DRD3: variants seen among roughly 807,000 people sequenced by gnomAD.
DRD3 encodes D(3) dopamine receptor.
A neutral mutation model predicts 36.3 loss-of-function variants in DRD3; 19 were observed. That is an observed-to-expected ratio of 0.52 (90% CI 0.36 to 0.77). DRD3 has a LOEUF of 0.77. Among genes scored for constraint, DRD3 ranks in the 30% least tolerant of loss-of-function variants. DRD3 has a pLI of 0.00. For missense variants in DRD3, 465 were observed against 505.3 expected (o/e 0.92, Z 0.77); for synonymous variants, 195 against 203.7 (o/e 0.96, Z 0.36).
At chr3:114,161,700 A>G (rs1234033841) in intron 2 of DRD3, among the ~76,000 whole-genome samples, 1 of 152,244 alleles carries the variant, frequency 6.6e-6, no homozygotes, top group African/African-American at 2.4e-5. Context: ...GAGAATAAAA[A>G]GCTTTTAAAA....
Position 114,131,100 on chromosome 3 carries a change from A to T in DRD3, c.1006+18T>A, listed in dbSNP as rs200871535. Reference sequence around the variant, plus strand: ...AACCTAACCCAACCCAACACAGCTCAAGCCAACCCAAACTTACCAAGCACA... The same window carrying T: ...AACCTAACCCAACCCAACACAGCTCTAGCCAACCCAAACTTACCAAGCACA... On this transcript the variant is annotated intron_variant, in intron 6 of 6. Transcript: ENST00000383673. 17 of 1,609,532 alleles carry T rather than the reference A, an allele frequency of 1.1e-5. No homozygotes were observed. In the South Asian group the frequency reaches 1.9e-4, roughly 18 times the overall value.
intron 2 of DRD3, among the ~76,000 whole-genome samples, chr3:114,170,597 C>T (rs551385668): frequency 3.3e-5 from 5 of 152,126 alleles, no homozygotes; most frequent in Non-Finnish European, 7.4e-5. Flanking sequence ...TCTCTGTTTT[C>T]TTTTTTTCTC....
rs535152673 is a variant in DRD3, at chr3:114,128,839, C to T, written c.1080G>A (p.Val360=). ...TCGTGGCACTGTAAAGCTCTGGGGA[C>T]ACGTGGCATGTCTGGCAGTGGGTAT... ...VLNTHCQTCH[V]SPELYSATTW... The change falls in exon 7 of 7, where the codon GTG becomes GTA. Residue 360 remains valine (V), a synonymous_variant. Coordinates refer to ENST00000383673, the MANE Select transcript of DRD3 (RefSeq NM_000796.6). 8.1e-5 allele frequency: 131 copies of T among 1,613,712 alleles called. 1 individual carries two copies. The South Asian group carries it at 1.4e-3, about 17-fold the overall frequency.
chr3:114,197,795 T>C (rs890286523), intron 1 of DRD3, among the ~76,000 whole-genome samples: 1 of 152,188 alleles, frequency 6.6e-6, no homozygotes, highest in African/African-American at 2.4e-5. Flanking sequence ...GTTCTATTAA[T>C]ATATTTGTCT....
At chr3:114,197,152 G>T (rs1485752272) in intron 1 of DRD3, among the ~76,000 whole-genome samples, 1 of 146,748 alleles carries the variant, frequency 6.8e-6, no homozygotes, top group Non-Finnish European at 1.5e-5. Flanking sequence ...TTGCTCTGTT[G>T]TCCAGGTGGA....
chr3:114,149,298 C>T (rs1396112156), intron 3 of DRD3, among the ~76,000 whole-genome samples: 1 of 152,194 alleles, frequency 6.6e-6, no homozygotes, highest in African/African-American at 2.4e-5. Flanking sequence ...GGGAGCCAGC[C>T]ATGAGGTCAG....
upstream of DRD3, among the ~76,000 whole-genome samples, chr3:114,183,691 C>A (rs1368766634): frequency 6.6e-6 from 1 of 151,742 alleles, no homozygotes; most frequent in Non-Finnish European, 1.5e-5. Context: ...TTTTTTATTT[C>A]ATAATTTTTT....
chr3:114,189,743 C>A (rs891326630), intron 1 of DRD3, among the ~76,000 whole-genome samples: 4 of 152,322 alleles, frequency 2.6e-5, no homozygotes, highest in African/African-American at 9.6e-5. Context: ...TCATACCTTT[C>A]TAGTACCTGT....
At chr3:114,165,896 G>A (rs1292426546) in intron 2 of DRD3, among the ~76,000 whole-genome samples, 1 of 151,954 alleles carries the variant, frequency 6.6e-6, no homozygotes, top group Admixed American at 6.6e-5. Flanking sequence ...AGTCACATAA[G>A]GTGGGAGTGG....
At chr3:114,133,760 C>CT (rs1421095927) in intron 5 of DRD3, among the ~76,000 whole-genome samples, 2 of 22,854 alleles carry the variant, frequency 8.8e-5, no homozygotes. Context: ...AAGAATCAGA[C>CT]TATTGTGTCA....
At chr3:114,136,821 T>C (rs1577582814) in intron 5 of DRD3, among the ~76,000 whole-genome samples, 1 of 152,336 alleles carries the variant, frequency 6.6e-6, no homozygotes, top group African/African-American at 2.4e-5. Context: ...CTGGCTTGAA[T>C]TGGAAGAACA....
chr3:114,154,758 T>C (rs2077649809), intron 3 of DRD3, among the ~76,000 whole-genome samples: 1 of 152,124 alleles, frequency 6.6e-6, no homozygotes, highest in East Asian at 1.9e-4. Context: ...TGAATTTGGC[T>C]GCATTATTCC....
At chr3:114,175,134 C>T (rs1292180012) in intron 1 of DRD3, among the ~76,000 whole-genome samples, 2 of 152,074 alleles carry the variant, frequency 1.3e-5, no homozygotes, top group Non-Finnish European at 2.9e-5. Flanking sequence ...GCATACCCCT[C>T]CCCACAAGTT....
chr3:114,144,118 T>C (rs909201081), intron 4 of DRD3, among the ~76,000 whole-genome samples: 2 of 152,214 alleles, frequency 1.3e-5, no homozygotes, highest in Non-Finnish European at 2.9e-5. Context: ...GCCAGGCCCC[T>C]GCCTCGGAAC....
Position 114,128,866 on chromosome 3 carries a change from G to A in DRD3, c.1053C>T (p.Leu351=), listed in dbSNP as rs773616745. ...CGTGGCATGTCTGGCAGTGGGTATT[G>A]AGAACATGGGTCAAGAAGAAGGGCA... ...CWLPFFLTHV[L]NTHCQTCHVS... Residue 351 remains leucine, a synonymous_variant, in exon 7 of 7, where the codon CTC becomes CTT. Transcript: ENST00000383673. 2.5e-6 allele frequency: 4 copies of A among 1,611,832 alleles called. No individual in the cohort carries two copies. The highest frequency in any genetic ancestry group is 2.5e-6 in the Non-Finnish European group (3 of 1,179,102).
At chr3:114,181,698 G>T (rs2077948730), upstream of DRD3, among the ~76,000 whole-genome samples, 1 of 152,200 alleles carries the variant, frequency 6.6e-6, no homozygotes, top group Non-Finnish European at 1.5e-5. Flanking sequence ...TCAACTTGAA[G>T]TGGCAAGTCT....
intron 3 of DRD3, among the ~76,000 whole-genome samples, chr3:114,156,734 TTTCTTTCTTTTTCTTTCTTTCTTTCTTTC>T (rs1409239110): frequency 9.9e-5 from 1 of 10,062 alleles, no homozygotes; most frequent in Non-Finnish European, 4.3e-4. Flanking sequence ...TCTTTCTTTC[TTTCTTTCTTTTTCTTTCTTTCTTTCTTTC>T]TTTCTTTCTT....
intron 3 of DRD3, among the ~76,000 whole-genome samples, chr3:114,155,755 C>G (rs888171841): frequency 5.3e-5 from 8 of 152,070 alleles, no homozygotes; most frequent in Non-Finnish European, 1.0e-4. Context: ...GGCACACTCT[C>G]AAGAGGGAAG....
intron 6 of DRD3, among the ~76,000 whole-genome samples, chr3:114,130,569 C>T (rs935533326): frequency 2.0e-5 from 3 of 151,812 alleles, no homozygotes; most frequent in East Asian, 2.0e-4. Flanking sequence ...GGACTACAGG[C>T]GCCCACCACC....
Sources: gnomAD v4.1 joint callset for allele counts (sites outside exome capture counted in the v4.1 genomes callset) on GRCh38, gnomAD v4.1.1 for gene constraint, MANE v1.5 for transcripts, NCBI Gene and HGNC (gene_info 2026-07-23, HGNC 2026-07-21) for gene names.